TENM3: variants seen among roughly 807,000 people sequenced by gnomAD.
TENM3 encodes the protein teneurin transmembrane protein 3.
A neutral mutation model predicts 255.1 loss-of-function variants in TENM3; 63 were observed. The observed-to-expected ratio is 0.25, with a 90% CI of 0.20 to 0.30. The LOEUF is 0.30. Among genes scored for constraint, TENM3 ranks in the 10% least tolerant of loss-of-function variants. The pLI, the probability that TENM3 is intolerant of heterozygous loss-of-function variation, is 1.00. For missense variants in TENM3, 2,929 were observed against 3,461.1 expected, an observed-to-expected ratio of 0.85 and a Z score of 3.86; for synonymous variants, 1,306 against 1,322.3, an observed-to-expected ratio of 0.99 and a Z score of 0.27.
the TENM3 span, among the ~76,000 whole-genome samples, chr4:182,003,490 T>G: frequency 6.6e-6 from 1 of 152,142 alleles, no homozygotes; most frequent in Non-Finnish European, 1.5e-5. Flanking sequence ...TCATAATTAA[T>G]TATAAGAATA....
At chr4:182,649,152 G>A (rs1420433952) in intron 5 of TENM3, among the ~76,000 whole-genome samples, 2 of 150,912 alleles carry the variant, frequency 1.3e-5, no homozygotes, top group Admixed American at 6.6e-5. Flanking sequence ...TTTTTAATAT[G>A]AGAAAATACA....
the TENM3 span, among the ~76,000 whole-genome samples, chr4:181,716,514 C>G: frequency 6.6e-6 from 1 of 152,158 alleles, no homozygotes; most frequent in Admixed American, 6.5e-5. Flanking sequence ...TAGCACAAGT[C>G]TAGTTGCACG....
chr4:182,046,565 A>G, the TENM3 span, among the ~76,000 whole-genome samples: 20 of 150,094 alleles, frequency 1.3e-4, no homozygotes, highest in Admixed American at 1.2e-3. Context: ...TAATAATAAT[A>G]ATAATAATAA....
At chr4:182,131,072 G>A in the TENM3 span, among the ~76,000 whole-genome samples, 2 of 152,104 alleles carry the variant, frequency 1.3e-5, no homozygotes, top group Non-Finnish European at 2.9e-5. Flanking sequence ...ATCTGCACAA[G>A]TGAATCTAAA....
At chr4:181,928,262 C>G in the TENM3 span, among the ~76,000 whole-genome samples, 1 of 151,848 alleles carries the variant, frequency 6.6e-6, no homozygotes, top group Non-Finnish European at 1.5e-5. Context: ...TAACCCAATG[C>G]AAGGAAGCTA....
chr4:182,587,369 A>ACCAGCCTGG (rs1746128320), intron 3 of TENM3, among the ~76,000 whole-genome samples: 1 of 152,082 alleles, frequency 6.6e-6, no homozygotes, highest in East Asian at 1.9e-4. Flanking sequence ...GGAGTTCAAG[A>ACCAGCCTGG]CCAACATGGT....
At chr4:181,683,134 T>C in the TENM3 span, among the ~76,000 whole-genome samples, 24 of 152,172 alleles carry the variant, frequency 1.6e-4, no homozygotes, top group Admixed American at 1.2e-3. Context: ...GCAAATAACA[T>C]TGGAGAATTA....
At chr4:182,100,472 CA>C in the TENM3 span, among the ~76,000 whole-genome samples, 1 of 143,614 alleles carries the variant, frequency 7.0e-6, no homozygotes, top group African/African-American at 2.5e-5. Flanking sequence ...TATATACACA[CA>C]CACACACACA....
At chr4:182,249,534 ATCT>A (rs1045939134) in intron 1 of TENM3, among the ~76,000 whole-genome samples, 1 of 152,156 alleles carries the variant, frequency 6.6e-6, no homozygotes, top group Non-Finnish European at 1.5e-5. Flanking sequence ...GGCTCTTAAA[ATCT>A]TCTGCTCCAT....
chr4:182,102,979 AG>A, the TENM3 span, among the ~76,000 whole-genome samples: 1 of 152,250 alleles, frequency 6.6e-6, no homozygotes, highest in African/African-American at 2.4e-5. Context: ...TGGCAATTTA[AG>A]GAGACAGTAT....
upstream of TENM3, chr4:182,142,023 T>C (rs1324454947): frequency 6.6e-6 from 1 of 152,254 alleles, no homozygotes; most frequent in Non-Finnish European, 1.5e-5. Context: ...AAAAGTGCTT[T>C]ATGAAAGAGT....
In TENM3 at chr4:182,324,219, G is replaced by A. The variant is rs747678536; in HGVS notation, c.199G>A (p.Val67Ile). ...TTACGGCAACAGAGTGAAGGATTTG[G>A]TTCACAGAGAAGCAGACGAGTTCAC... ...LLYGNRVKDL[V>I]HREADEFTRQ... is the part of the protein sequence containing the mutation. Residue 67 changes from valine (V) to isoleucine (I), a missense_variant, in exon 2 of 28, where the codon GTT (valine) becomes ATT (isoleucine). Around this residue, in one of 6 missense-constraint regions of TENM3, gnomAD observed 283 missense variants for 256.9 expected, o/e 1.10. Coordinates refer to ENST00000511685, the MANE Select transcript of TENM3 (RefSeq NM_001080477.4). 3.1e-6 allele frequency: 5 copies of A among 1,613,948 alleles called. 1 individual carries two copies. The highest frequency in any genetic ancestry group is 1.6e-4 in the Middle Eastern group (1 of 6,062).
the TENM3 span, among the ~76,000 whole-genome samples, chr4:181,610,724 G>C: frequency 6.6e-6 from 1 of 151,900 alleles, no homozygotes; most frequent in Non-Finnish European, 1.5e-5. Flanking sequence ...GTGTGTGTCT[G>C]TGTGTGGCTT....
At chr4:181,716,925 A>G in the TENM3 span, among the ~76,000 whole-genome samples, 15 of 152,182 alleles carry the variant, frequency 9.9e-5, no homozygotes, top group Non-Finnish European at 2.2e-4. Flanking sequence ...ACTGTTTCTC[A>G]GAATATTTCT....
the TENM3 span, among the ~76,000 whole-genome samples, chr4:182,045,828 C>T: frequency 6.6e-6 from 1 of 152,244 alleles, no homozygotes; most frequent in South Asian, 2.1e-4. Flanking sequence ...GTGAGACAAT[C>T]GCTGGAGCCC....
At chr4:182,460,990 A>T (rs1241530820) in intron 3 of TENM3, among the ~76,000 whole-genome samples, 1 of 152,208 alleles carries the variant, frequency 6.6e-6, no homozygotes, top group African/African-American at 2.4e-5. Flanking sequence ...GCGCTTTATC[A>T]TCCTATTCAT....
intron 3 of TENM3, among the ~76,000 whole-genome samples, chr4:182,568,283 C>T (rs1377531764): frequency 6.6e-6 from 1 of 152,150 alleles, no homozygotes; most frequent in Non-Finnish European, 1.5e-5. Flanking sequence ...GAGCTCAACA[C>T]AGTGAGTTGG....
At chr4:181,672,263 C>T in the TENM3 span, among the ~76,000 whole-genome samples, 1 of 152,262 alleles carries the variant, frequency 6.6e-6, no homozygotes, top group East Asian at 1.9e-4. Flanking sequence ...ATACAAAGTT[C>T]ACTGTGATTT....
the TENM3 span, among the ~76,000 whole-genome samples, chr4:181,911,190 G>A: frequency 4.6e-5 from 7 of 152,146 alleles, no homozygotes; most frequent in African/African-American, 1.2e-4. Context: ...CAAAATTAGC[G>A]CTGAAACCTG....
Sources: allele counts gnomAD v4.1 joint callset (sites outside exome capture counted in the v4.1 genomes callset), GRCh38; gene constraint gnomAD v4.1.1; regional missense constraint gnomAD v4.1.1; transcripts MANE v1.5; gene names NCBI Gene and HGNC (gene_info 2026-07-23, HGNC 2026-07-21).